Variants in DRC11 observed in about 807,000 individuals in gnomAD.
DRC11 encodes dynein regulatory complex subunit 11.
chr2:236,507,163 A>G, the DRC11 span: 3 of 1,324,456 alleles, frequency 2.3e-6, no homozygotes, highest in Non-Finnish European at 3.2e-6. Flanking sequence ...AGGAGAAAAG[A>G]AAAGAAAAAA....
At chr2:236,356,886 C>A in the DRC11 span, among the ~76,000 whole-genome samples, 1,417 of 134,822 alleles carry the variant, frequency 0.011, 17 homozygotes, top group African/African-American at 0.038. Context: ...AATATTTATA[C>A]TTTTTATAAT....
chr2:236,400,573 G>A, the DRC11 span, among the ~76,000 whole-genome samples: 1 of 152,230 alleles, frequency 6.6e-6, no homozygotes, highest in Non-Finnish European at 1.5e-5. This position sits in a 1 kb window ranked among gnomAD's most constrained non-coding sequence, Gnocchi z 7.9. Context: ...TACCCTTAGA[G>A]AGGGCGAAAG....
the DRC11 span, among the ~76,000 whole-genome samples, chr2:236,390,842 T>C: frequency 6.6e-6 from 1 of 152,172 alleles, no homozygotes; most frequent in Non-Finnish European, 1.5e-5. This position sits in a 1 kb window ranked among gnomAD's most constrained non-coding sequence, Gnocchi z 5.9. Context: ...GGGAGGCCCA[T>C]GGTACTGGGT....
At chr2:236,465,453 C>T in the DRC11 span, 1 of 1,464,802 alleles carries the variant, frequency 6.8e-7, no homozygotes, top group Non-Finnish European at 9.5e-7. The surrounding 1 kb of genome is among the most constrained non-coding windows in gnomAD (Gnocchi z 6.2). Context: ...CATACAATAA[C>T]CTCAGCCACT....
chr2:236,492,643 T>C, the DRC11 span, among the ~76,000 whole-genome samples: 5 of 152,262 alleles, frequency 3.3e-5, 1 homozygote, highest in South Asian at 1.0e-3. Flanking sequence ...GCTTAGGACA[T>C]GAAGGCCAGC....
the DRC11 span, among the ~76,000 whole-genome samples, chr2:236,423,084 A>C: frequency 1.3e-5 from 2 of 151,360 alleles, no homozygotes; most frequent in Non-Finnish European, 3.0e-5. Context: ...GTTAGACCTA[A>C]AACCATAAAA....
the DRC11 span, among the ~76,000 whole-genome samples, chr2:236,321,862 C>A: frequency 6.6e-6 from 1 of 152,276 alleles, no homozygotes; most frequent in Non-Finnish European, 1.5e-5. Context: ...GGGGGGAAGT[C>A]TCTTGGGTAA....
the DRC11 span, chr2:236,497,434 T>G: frequency 1.2e-6 from 2 of 1,613,820 alleles, no homozygotes; most frequent in Non-Finnish European, 1.7e-6. This position sits in a 1 kb window ranked among gnomAD's most constrained non-coding sequence, Gnocchi z 5.1. Flanking sequence ...AGGCTCTTTA[T>G]CGAGTAAAGC....
the DRC11 span, among the ~76,000 whole-genome samples, chr2:236,475,019 T>A: frequency 6.6e-6 from 1 of 152,168 alleles, no homozygotes; most frequent in East Asian, 1.9e-4. This position sits in a 1 kb window ranked among gnomAD's most constrained non-coding sequence, Gnocchi z 4.8. Flanking sequence ...AAATATACAA[T>A]TGATTATTGT....
the DRC11 span, among the ~76,000 whole-genome samples, chr2:236,343,042 TGA>T: frequency 6.6e-6 from 1 of 152,176 alleles, no homozygotes; most frequent in Admixed American, 6.5e-5. The surrounding 1 kb of genome is among the most constrained non-coding windows in gnomAD (Gnocchi z 6.6). Context: ...GGGATGGTGC[TGA>T]GAGGTTCGCT....
At chr2:236,309,269 G>A in the DRC11 span, among the ~76,000 whole-genome samples, 1 of 152,166 alleles carries the variant, frequency 6.6e-6, no homozygotes, top group Non-Finnish European at 1.5e-5. The surrounding 1 kb of genome is among the most constrained non-coding windows in gnomAD (Gnocchi z 5.7). Flanking sequence ...TCACAAGGTC[G>A]ATAGCTACTG....
chr2:236,358,040 A>C, the DRC11 span, among the ~76,000 whole-genome samples: 963 of 119,346 alleles, frequency 8.1e-3, 22 homozygotes, highest in South Asian at 0.068. Context: ...ATATATATTT[A>C]TAATATATAG....
chr2:236,356,703 C>T, the DRC11 span, among the ~76,000 whole-genome samples: 5 of 151,758 alleles, frequency 3.3e-5, no homozygotes, highest in South Asian at 2.1e-4. Flanking sequence ...GACTCCAGGG[C>T]GGAGGTCAGA....
At chr2:236,373,550 C>T in the DRC11 span, among the ~76,000 whole-genome samples, 2 of 152,226 alleles carry the variant, frequency 1.3e-5, no homozygotes, top group Non-Finnish European at 2.9e-5. Context: ...CGCGCTTGAC[C>T]TCTTACTGTA....
chr2:236,365,493 G>A, the DRC11 span, among the ~76,000 whole-genome samples: 2 of 152,090 alleles, frequency 1.3e-5, no homozygotes, highest in African/African-American at 2.4e-5. This position sits in a 1 kb window ranked among gnomAD's most constrained non-coding sequence, Gnocchi z 7.4. Flanking sequence ...CTGAAAGGTG[G>A]TCGGGGACTG....
At chr2:236,368,360 T>G in the DRC11 span, 327 of 1,020,704 alleles carry the variant, frequency 3.2e-4, 1 homozygote, top group African/African-American at 4.7e-3. Context: ...CTGAGCTGCA[T>G]AATTTTGGCA....
the DRC11 span, chr2:236,338,465 A>AGCACT: frequency 8.2e-7 from 1 of 1,218,250 alleles, no homozygotes; most frequent in Non-Finnish European, 1.2e-6. Context: ...GATGCATTGC[A>AGCACT]GCATCCTTTG....
chr2:236,396,038 G>A, the DRC11 span, among the ~76,000 whole-genome samples: 2 of 152,052 alleles, frequency 1.3e-5, no homozygotes, highest in Admixed American at 6.5e-5. Context: ...CTGCAGAGCC[G>A]TTTTGCCCAT....
the DRC11 span, among the ~76,000 whole-genome samples, chr2:236,458,406 A>G: frequency 6.6e-6 from 1 of 152,214 alleles, no homozygotes; most frequent in African/African-American, 2.4e-5. Flanking sequence ...AATCCAAGTG[A>G]ATTAACTAAA....
Sources: gnomAD v4.1 joint callset for allele counts (sites outside exome capture counted in the v4.1 genomes callset) on GRCh38, gnomAD v4.1.1 for gene constraint, Gnocchi (gnomAD v3.1) non-coding constraint, MANE v1.5 for transcripts, NCBI Gene and HGNC (gene_info 2026-07-23, HGNC 2026-07-21) for gene names.